GNG7: variants seen among roughly 807,000 people sequenced by gnomAD.
GNG7 encodes the protein guanine nucleotide-binding protein G(I)/G(S)/G(O) subunit gamma-7.
A neutral mutation model predicts 4.0 loss-of-function variants in GNG7; 1 was observed. The observed-to-expected ratio is 0.25, with a 90% confidence interval of 0.09 to 1.18. The LOEUF (loss-of-function observed/expected upper bound fraction) is 1.18, where lower values mean the gene tolerates loss of function less well. GNG7 is among the 50% of genes most tolerant of loss of function. The pLI is 0.50. For missense variants in GNG7, 86 were observed against 91.9 expected (o/e 0.94, Z 0.26); for synonymous variants, 34 against 36.9 (o/e 0.92, Z 0.29).
At chr19:2,605,722 C>A (rs537905339) in intron 2 of GNG7, among the ~76,000 whole-genome samples, 1 of 150,604 alleles carries the variant, frequency 6.6e-6, no homozygotes, top group African/African-American at 2.4e-5. Flanking sequence ...CCATGTTGGC[C>A]AGCATGGTCT....
chr19:2,649,945 G>A (rs960456132), intron 1 of GNG7, among the ~76,000 whole-genome samples: 1 of 151,946 alleles, frequency 6.6e-6, no homozygotes, highest in South Asian at 2.1e-4. Flanking sequence ...ATAGAAATGG[G>A]GTCACACACT....
At chr19:2,585,857 C>T (rs535237818) in intron 2 of GNG7, among the ~76,000 whole-genome samples, 10 of 152,258 alleles carry the variant, frequency 6.6e-5, no homozygotes, top group South Asian at 2.1e-4. Context: ...CCCGCCACCA[C>T]GCCCGGCTAT....
chr19:2,540,307 T>A (rs181879617), intron 3 of GNG7, among the ~76,000 whole-genome samples: 53 of 151,972 alleles, frequency 3.5e-4, no homozygotes, highest in African/African-American at 1.2e-3. Flanking sequence ...CACACCACCA[T>A]GCCCCCCTAA....
chr19:2,645,757 A>G (rs888404988), intron 2 of GNG7, among the ~76,000 whole-genome samples: 55 of 152,120 alleles, frequency 3.6e-4, no homozygotes, highest in Non-Finnish European at 7.1e-4. Context: ...TTATTTTTAA[A>G]TGGTTTCCTC....
At chr19:2,645,690 G>C (rs1174180050) in intron 2 of GNG7, among the ~76,000 whole-genome samples, 1 of 152,110 alleles carries the variant, frequency 6.6e-6, no homozygotes, top group Non-Finnish European at 1.5e-5. Flanking sequence ...ATCACCACGA[G>C]TCCCTTTCTG....
chr19:2,537,978 G>C, intron 3 of GNG7: 1 of 372,336 alleles, frequency 2.7e-6, no homozygotes, highest in Non-Finnish European at 5.3e-6. Context: ...TCAGGAGGCT[G>C]AGGTGGGAGA....
intron 2 of GNG7, among the ~76,000 whole-genome samples, chr19:2,636,279 G>A (rs55796157): frequency 0.011 from 1,627 of 152,184 alleles, 13 homozygotes; most frequent in Middle Eastern, 0.017. Flanking sequence ...ACTCAGGGGC[G>A]CACGAGTCTC....
chr19:2,702,377 C>A (rs1465806409), intron 1 of GNG7, among the ~76,000 whole-genome samples: 2 of 150,148 alleles, frequency 1.3e-5, no homozygotes, highest in Non-Finnish European at 3.0e-5. Flanking sequence ...CAACTCCCGC[C>A]CCCTCCCCAG....
At chr19:2,578,734 T>G (rs1349575721) in intron 2 of GNG7, among the ~76,000 whole-genome samples, 1 of 151,988 alleles carries the variant, frequency 6.6e-6, no homozygotes, top group Non-Finnish European at 1.5e-5. Flanking sequence ...GCGTCTCTGG[T>G]CTCCACCCAC....
intron 2 of GNG7, among the ~76,000 whole-genome samples, chr19:2,583,697 C>G (rs1167036727): frequency 6.6e-6 from 1 of 152,144 alleles, no homozygotes; most frequent in Non-Finnish European, 1.5e-5. Flanking sequence ...AAATAATAAA[C>G]AACTTAGATG....
intron 1 of GNG7, among the ~76,000 whole-genome samples, chr19:2,661,573 T>C (rs1470249581): frequency 6.7e-6 from 1 of 150,008 alleles, no homozygotes; most frequent in East Asian, 2.0e-4. Context: ...CTCGGGAGGC[T>C]GAGGCAGAAG....
At chr19:2,642,454 C>T (rs1241912574) in intron 2 of GNG7, 1 of 329,124 alleles carries the variant, frequency 3.0e-6, no homozygotes, top group African/African-American at 2.2e-5. Context: ...CAGCCTCGAC[C>T]TCCGGGGCTC....
intron 2 of GNG7, among the ~76,000 whole-genome samples, chr19:2,599,412 G>A (rs1421624341): frequency 6.6e-6 from 1 of 152,012 alleles, no homozygotes; most frequent in African/African-American, 2.4e-5. Flanking sequence ...CTAGGACTTC[G>A]GCGGGAGAAA....
intron 3 of GNG7, among the ~76,000 whole-genome samples, chr19:2,535,640 T>C (rs1191753889): frequency 6.6e-6 from 1 of 152,226 alleles, no homozygotes; most frequent in Non-Finnish European, 1.5e-5. Context: ...CTCTTTCCCC[T>C]GTGACATATT....
chr19:2,570,186 G>A (rs913875916), intron 2 of GNG7, among the ~76,000 whole-genome samples: 3 of 152,052 alleles, frequency 2.0e-5, no homozygotes, highest in Admixed American at 6.6e-5. Context: ...CTCTCTGGCC[G>A]TATGAGATGC....
intron 3 of GNG7, among the ~76,000 whole-genome samples, chr19:2,543,311 C>G (rs1185507777): frequency 6.6e-6 from 1 of 151,570 alleles, no homozygotes; most frequent in African/African-American, 2.4e-5. Flanking sequence ...GCCTTGACCT[C>G]CTGGCCTCCA....
At position 2,512,186 on chromosome 19, in the gene GNG7, G is replaced by A. The variant is rs1224978125; in HGVS notation, c.*2836C>T. On this transcript the variant is annotated 3_prime_UTR_variant, in exon 5 of 5. Coordinates refer to ENST00000382159, the MANE Select transcript of GNG7 (RefSeq NM_052847.3). The surrounding 1 kb of genome is among the most constrained non-coding windows in gnomAD (Gnocchi z 4.7). ...AGAGCTGCTGCTGCCACCCCCGCCCGCCAGCTCCCCGTCTGGAGGTGCACG... is the reference window on the plus strand; with the variant it reads ...AGAGCTGCTGCTGCCACCCCCGCCCACCAGCTCCCCGTCTGGAGGTGCACG... 5 of 985,718 alleles carry A rather than the reference G, an allele frequency of 5.1e-6. No homozygotes were observed. Among genetic ancestry groups the A allele is most frequent in the African/African-American group, 1.7e-5 (1 of 57,220 alleles). 61.1% of individuals were successfully genotyped at this position (985,718 alleles called of 1,614,324 possible). A position where few individuals can be genotyped will look rare whatever the true frequency, so the allele number is the denominator to read the frequency against.
chr19:2,572,414 A>G (rs1461144780), intron 2 of GNG7, among the ~76,000 whole-genome samples: 2 of 151,636 alleles, frequency 1.3e-5, no homozygotes, highest in Non-Finnish European at 2.9e-5. Flanking sequence ...AACCATCAAC[A>G]CTACGTAGTT....
chr19:2,528,451 C>T (rs562119805), intron 3 of GNG7, among the ~76,000 whole-genome samples: 5 of 144,646 alleles, frequency 3.5e-5, no homozygotes, highest in Non-Finnish European at 7.5e-5. Context: ...GGCATGGCGG[C>T]GGGCACCTGT....
Sources: allele counts gnomAD v4.1 joint callset (sites outside exome capture counted in the v4.1 genomes callset), GRCh38; gene constraint gnomAD v4.1.1; non-coding constraint Gnocchi (gnomAD v3.1); transcripts MANE v1.5; gene names NCBI Gene and HGNC (gene_info 2026-07-23, HGNC 2026-07-21).